Variants in UGGT2 observed in about 807,000 individuals in gnomAD.
UGGT2 encodes UDP-glucose glycoprotein glucosyltransferase 2.
In UGGT2, 180 loss-of-function variants were observed where a neutral mutation model predicts 192.1. The observed-to-expected ratio is 0.94, with a 90% confidence interval of 0.83 to 1.06. The LOEUF (loss-of-function observed/expected upper bound fraction) is 1.06, where lower values mean the gene tolerates loss of function less well. UGGT2 is among the 50% of genes least tolerant of loss of function. The pLI is 0.00. For missense variants in UGGT2, 1,849 were observed against 1,795.7 expected, an observed-to-expected ratio of 1.03 and a Z score of -0.54; for synonymous variants, 580 against 591.0, an observed-to-expected ratio of 0.98 and a Z score of 0.27.
intron 1 of UGGT2, among the ~76,000 whole-genome samples, chr13:96,046,855 G>A (rs1038317014): frequency 9.8e-5 from 15 of 152,326 alleles, no homozygotes; most frequent in East Asian, 9.7e-4. Flanking sequence ...CCATGTCCAC[G>A]GAGCCTCCCT....
chr13:95,875,949 G>T (rs1417068885), intron 29 of UGGT2, among the ~76,000 whole-genome samples: 2 of 152,072 alleles, frequency 1.3e-5, no homozygotes, highest in Non-Finnish European at 2.9e-5. Context: ...TTTATTAAGG[G>T]TATAAAAAAG....
chr13:95,876,109 G>T (rs1249052203), intron 29 of UGGT2, among the ~76,000 whole-genome samples: 3 of 151,998 alleles, frequency 2.0e-5, no homozygotes, highest in Non-Finnish European at 4.4e-5. Context: ...GCTCTCAAAT[G>T]AACATTAAAT....
intron 4 of UGGT2, among the ~76,000 whole-genome samples, chr13:96,018,483 T>C (rs2052407172): frequency 6.6e-6 from 1 of 152,066 alleles, no homozygotes. Flanking sequence ...ACCACTGCAC[T>C]CTAGCCTGGG....
At chr13:95,990,630 T>A (rs1237456882) in intron 7 of UGGT2, 5 of 152,200 alleles carry the variant, frequency 3.3e-5, no homozygotes, top group Admixed American at 2.0e-4. Context: ...TCTTCTTTCC[T>A]CTATCACTCA....
At chr13:95,904,295 C>T (rs2048205094) in intron 20 of UGGT2, among the ~76,000 whole-genome samples, 1 of 151,716 alleles carries the variant, frequency 6.6e-6, no homozygotes, top group Admixed American at 6.6e-5. Flanking sequence ...TCTATATTAT[C>T]TTTTTTTTAT....
chr13:95,842,817 T>A (rs1888010291), intron 36 of UGGT2, among the ~76,000 whole-genome samples: 1 of 152,234 alleles, frequency 6.6e-6, no homozygotes, highest in Admixed American at 6.5e-5. Flanking sequence ...ATAAACCCTG[T>A]CCACAACCAT....
chr13:95,908,021 T>C (rs533257307), intron 20 of UGGT2, among the ~76,000 whole-genome samples: 1 of 152,184 alleles, frequency 6.6e-6, no homozygotes, highest in African/African-American at 2.4e-5. Flanking sequence ...GACAAATGGC[T>C]AACCATAATA....
intron 20 of UGGT2, among the ~76,000 whole-genome samples, chr13:95,903,313 T>A (rs926161183): frequency 6.6e-6 from 1 of 151,526 alleles, no homozygotes; most frequent in East Asian, 1.9e-4. Context: ...GCTTTTTGTA[T>A]GTGAAATAAC....
chr13:96,047,088 A>G (rs1403390029), intron 1 of UGGT2, among the ~76,000 whole-genome samples: 1 of 152,214 alleles, frequency 6.6e-6, no homozygotes, highest in Non-Finnish European at 1.5e-5. Flanking sequence ...CTGCACACTT[A>G]TATGTCCCTG....
At chr13:95,862,348 T>C (rs775806155) in intron 31 of UGGT2, among the ~76,000 whole-genome samples, 1 of 152,254 alleles carries the variant, frequency 6.6e-6, no homozygotes, top group Non-Finnish European at 1.5e-5. Context: ...AAATGATTAA[T>C]GGTTTTCCAT....
At chr13:95,989,924 A>G in intron 8 of UGGT2, 49 bp downstream of exon 8, 1 of 1,287,372 alleles carries the variant, frequency 7.8e-7, no homozygotes, top group Non-Finnish European at 1.1e-6. Context: ...ATTTAACAAA[A>G]CAGATCAGTT....
intron 32 of UGGT2, chr13:95,859,970 A>G (rs1227237668): frequency 5.3e-6 from 1 of 189,928 alleles, no homozygotes; most frequent in Non-Finnish European, 1.1e-5. Context: ...TGGTAGCTTC[A>G]CCTGGGCCCA....
chr13:95,928,730 G>A (rs1282843657), intron 17 of UGGT2, among the ~76,000 whole-genome samples: 1 of 151,948 alleles, frequency 6.6e-6, no homozygotes, highest in Non-Finnish European at 1.5e-5. Flanking sequence ...TGGGCAGAGG[G>A]GCTCCTCACA....
Position 95,937,089 on chromosome 13 carries a change from C to A in UGGT2, c.1813-1G>T. 6.3e-7 allele frequency: 1 copy of A among 1,581,904 alleles called. No homozygotes were observed. Among genetic ancestry groups the A allele is most frequent in the South Asian group, 1.2e-5 (1 of 83,594 alleles). ...TCATCTTATAAAAGCTTGCTCCAGC[C>A]TATTCAGTTAAAAAATATCAGAGTG... On this transcript the variant is annotated splice_acceptor_variant, in intron 16 of 38. Coordinates refer to ENST00000376747, the MANE Select transcript of UGGT2 (RefSeq NM_020121.4). LOFTEE classifies it high-confidence loss of function.
At chr13:95,933,675 T>C (rs2049364069) in intron 17 of UGGT2, among the ~76,000 whole-genome samples, 1 of 129,468 alleles carries the variant, frequency 7.7e-6, no homozygotes, top group Non-Finnish European at 1.8e-5. Context: ...TAGTTCTAAA[T>C]TTTTTTGTTT....
At chr13:95,903,120 T>A (rs2062276921) in intron 20 of UGGT2, 60 bp from the exon 21 acceptor site, 2 of 1,500,322 alleles carry the variant, frequency 1.3e-6, no homozygotes. Context: ...TACAGGTGAA[T>A]ATATTTTCTT....
chr13:95,988,716 T>G (rs1378886690), intron 8 of UGGT2, among the ~76,000 whole-genome samples: 1 of 152,150 alleles, frequency 6.6e-6, no homozygotes, highest in African/African-American at 2.4e-5. Context: ...GTTATAAAAC[T>G]TAATAGATTG....
chr13:95,811,851 A>C (rs1884600888), intron 38 of UGGT2, among the ~76,000 whole-genome samples: 1 of 152,084 alleles, frequency 6.6e-6, no homozygotes. Flanking sequence ...GAGAAACTTC[A>C]TTAAAAAATA....
At chr13:95,873,538 G>T (rs141760902) in intron 29 of UGGT2, among the ~76,000 whole-genome samples, 1 of 152,268 alleles carries the variant, frequency 6.6e-6, no homozygotes, top group African/African-American at 2.4e-5. Context: ...CCTTCAAACA[G>T]ACCAAAAGTG....
Sources: gnomAD v4.1 joint callset for allele counts (sites outside exome capture counted in the v4.1 genomes callset) on GRCh38, gnomAD v4.1.1 for gene constraint, MANE v1.5 for transcripts, NCBI Gene and HGNC (gene_info 2026-07-23, HGNC 2026-07-21) for gene names.